The following NR3C2 variants were observed in gnomAD, a reference collection of about 807,000 sequenced individuals.
The protein encoded by NR3C2 is mineralocorticoid receptor.
NR3C2 carries 15 observed loss-of-function variants against 86.4 expected under a neutral mutation model. The observed-to-expected ratio is 0.17, with a 90% CI of 0.12 to 0.27. The LOEUF is 0.27. Ranked by LOEUF, NR3C2 falls within the 10% of genes least tolerant of loss-of-function variation. The pLI, the probability that NR3C2 is intolerant of heterozygous loss-of-function variation, is 1.00. For synonymous variants in NR3C2, 458 were observed against 450.5 expected, an observed-to-expected ratio of 1.02 and a Z score of -0.21; for missense variants, 960 against 1,195.6, an observed-to-expected ratio of 0.80 and a Z score of 2.91.
intron 2 of NR3C2, among the ~76,000 whole-genome samples, chr4:148,333,091 C>A (rs998243021): frequency 6.6e-6 from 1 of 151,688 alleles, no homozygotes; most frequent in African/African-American, 2.4e-5. Context: ...CAAGGAAAAA[C>A]CCCCTTTCTA....
At chr4:148,399,698 A>G (rs1446440016) in intron 2 of NR3C2, among the ~76,000 whole-genome samples, 2 of 152,040 alleles carry the variant, frequency 1.3e-5, no homozygotes, top group Non-Finnish European at 2.9e-5. Flanking sequence ...ACACACACAC[A>G]CACACACACA....
intron 2 of NR3C2, among the ~76,000 whole-genome samples, chr4:148,433,387 C>G (rs1313389209): frequency 2.0e-5 from 3 of 152,020 alleles, no homozygotes; most frequent in Admixed American, 6.5e-5. Flanking sequence ...AAGAGATTAT[C>G]AAATATTTAC....
chr4:148,418,676 TAAC>T (rs1272011278), intron 2 of NR3C2, among the ~76,000 whole-genome samples: 3 of 152,208 alleles, frequency 2.0e-5, no homozygotes, highest in African/African-American at 7.2e-5. Flanking sequence ...TTGAAACTAA[TAAC>T]AATCAACAAT....
intron 2 of NR3C2, among the ~76,000 whole-genome samples, chr4:148,280,720 G>A (rs1047990942): frequency 2.6e-5 from 4 of 152,036 alleles, no homozygotes; most frequent in Non-Finnish European, 5.9e-5. Flanking sequence ...GTCCAGGCTG[G>A]TCTTGAATTC....
Position 148,264,070 on chromosome 4 carries a change from A to C in NR3C2, c.1758-3953T>G, listed in dbSNP as rs549120452. On this transcript the variant is annotated intron_variant, in intron 2 of 8. Transcript: ENST00000358102. ...AATTTACAAAAGTCAATTTTACAGAAGGTAAATTAATGAGGCCAAGGTTAT... is the reference window on the plus strand; with the variant it reads ...AATTTACAAAAGTCAATTTTACAGACGGTAAATTAATGAGGCCAAGGTTAT... 2.0e-5 allele frequency among the ~76,000 whole-genome samples: 3 copies of C among 152,334 alleles called. No homozygotes were observed. The East Asian group carries it at 5.8e-4, about 29-fold the overall frequency.
chr4:148,425,927 TCA>T (rs766748906), intron 2 of NR3C2, among the ~76,000 whole-genome samples: 1 of 152,158 alleles, frequency 6.6e-6, no homozygotes, highest in Non-Finnish European at 1.5e-5. Context: ...GCCAAAACTC[TCA>T]CAGTTAAATA....
rs538597212 is a variant in NR3C2 at position 148,236,786 on chromosome 4, C to A, written c.1897+23192G>T. ...AAGGAGGTGATATTAAAAATTACGC[C>A]AGGACACAGGTGTACACCAAAACTT... On this transcript the variant is annotated intron_variant, in intron 3 of 8. Transcript: ENST00000358102. Among the ~76,000 whole-genome samples the A allele has an allele frequency of 6.6e-5, 10 of 152,246 alleles. No individual in the cohort carries two copies. In the South Asian group the frequency reaches 2.1e-3, roughly 32 times the overall value.
intron 2 of NR3C2, among the ~76,000 whole-genome samples, chr4:148,290,086 C>T (rs1741727762): frequency 6.6e-6 from 1 of 152,250 alleles, no homozygotes; most frequent in South Asian, 2.1e-4. Context: ...GCTAGAAATG[C>T]AAGGCCAAGG....
intron 2 of NR3C2, among the ~76,000 whole-genome samples, chr4:148,366,189 T>C (rs1467850035): frequency 2.0e-5 from 3 of 151,572 alleles, no homozygotes; most frequent in African/African-American, 7.3e-5. Flanking sequence ...GGTTTCCAAA[T>C]CAAAAAAAAA....
intron 4 of NR3C2, among the ~76,000 whole-genome samples, chr4:148,178,932 T>TAAAAAAAAAAAAAAAAAAAAA (rs58576220): frequency 1.0e-5 from 1 of 95,312 alleles, no homozygotes; most frequent in African/African-American, 3.6e-5. Flanking sequence ...AAGAAGCAGG[T>TAAAAAAAAAAAAAAAAAAAAA]AAAAAAAAAA....
chr4:148,389,135 A>C (rs1334228984), intron 2 of NR3C2, among the ~76,000 whole-genome samples: 1 of 152,206 alleles, frequency 6.6e-6, no homozygotes, highest in Non-Finnish European at 1.5e-5. Flanking sequence ...GGCTCTTCTT[A>C]AGAGTAAAGG....
At chr4:148,279,608 A>C (rs1385562344) in intron 2 of NR3C2, among the ~76,000 whole-genome samples, 2 of 152,256 alleles carry the variant, frequency 1.3e-5, no homozygotes, top group Non-Finnish European at 2.9e-5. Context: ...ATGTTAACAA[A>C]TTTGAATATA....
chr4:148,388,268 T>C (rs1350464911), intron 2 of NR3C2, among the ~76,000 whole-genome samples: 8 of 152,214 alleles, frequency 5.3e-5, no homozygotes, highest in Admixed American at 3.3e-4. Context: ...GGAAAAGAAA[T>C]GTTTTGGATT....
chr4:148,150,778 G>T (rs1245796775), intron 6 of NR3C2, among the ~76,000 whole-genome samples: 1 of 152,106 alleles, frequency 6.6e-6, no homozygotes, highest in African/African-American at 2.4e-5. Context: ...TGCAACTACA[G>T]AATCCACTAA....
At chr4:148,349,104 C>G (rs184528291) in intron 2 of NR3C2, among the ~76,000 whole-genome samples, 117 of 152,120 alleles carry the variant, frequency 7.7e-4, no homozygotes, top group Non-Finnish European at 1.6e-3. Context: ...ATTAATTTAC[C>G]CATTTGTTTC....
At chr4:148,283,439 C>A (rs1741348425) in intron 2 of NR3C2, among the ~76,000 whole-genome samples, 1 of 152,190 alleles carries the variant, frequency 6.6e-6, no homozygotes, top group Non-Finnish European at 1.5e-5. Context: ...ATAAAGGAAT[C>A]ACAAGAGCAA....
intron 3 of NR3C2, among the ~76,000 whole-genome samples, chr4:148,195,243 T>C (rs1428253688): frequency 6.6e-6 from 1 of 152,206 alleles, no homozygotes; most frequent in Non-Finnish European, 1.5e-5. Flanking sequence ...TGCCCACCAT[T>C]TATACATGTG....
chr4:148,218,889 T>C (rs527995822), intron 3 of NR3C2, among the ~76,000 whole-genome samples: 21 of 152,368 alleles, frequency 1.4e-4, no homozygotes, highest in African/African-American at 3.6e-4. Flanking sequence ...CATTTACCAA[T>C]TGGCATCTGA....
intron 2 of NR3C2, among the ~76,000 whole-genome samples, chr4:148,266,924 AT>A (rs1740425280): frequency 6.6e-6 from 1 of 152,244 alleles, no homozygotes; most frequent in African/African-American, 2.4e-5. Flanking sequence ...TGGCGACACT[AT>A]TAACTGATAT....
Sources: allele counts gnomAD v4.1 joint callset (sites outside exome capture counted in the v4.1 genomes callset), GRCh38; gene constraint gnomAD v4.1.1; transcripts MANE v1.5; gene names NCBI Gene and HGNC (gene_info 2026-07-23, HGNC 2026-07-21).